The following CLASRP variants were observed in gnomAD, a reference collection of about 807,000 sequenced individuals.
CLASRP encodes CLK4-associating serine/arginine rich protein.
CLASRP carries 52 observed loss-of-function variants against 99.9 expected under a neutral mutation model. The ratio of observed to expected loss-of-function variants is 0.52; its 90% CI spans 0.42 to 0.66. The LOEUF (loss-of-function observed/expected upper bound fraction) is 0.66, where lower values mean the gene tolerates loss of function less well. Among genes scored for constraint, CLASRP ranks in the 30% least tolerant of loss-of-function variants. The pLI, the probability that CLASRP is intolerant of heterozygous loss-of-function variation, is 0.00. For synonymous variants in CLASRP, 379 were observed against 373.0 expected (o/e 1.02, Z -0.18); for missense variants, 848 against 999.2 (o/e 0.85, Z 2.04).
Position 45,064,382 on chromosome 19 carries a change from G to A in CLASRP, c.1161G>A (p.Ser387=), listed in dbSNP as rs1322475477. Residue 387 remains serine (S), a synonymous_variant, in exon 13 of 21, where the codon TCG becomes TCA. Transcript: ENST00000221455. ...CCTCCTCCTCCTCCTCTTCTGCCTC[G>A]AGGACCTCCAGCTCCCGCTCCAGCT... is the stretch of plus-strand genomic sequence containing the variant. ...SSSSSSSSSA[S]RTSSSRSSSR... is the part of the protein sequence containing the mutation. The A allele has an allele frequency of 4.6e-6, 7 of 1,533,130 alleles. No homozygotes were observed. Among genetic ancestry groups the A allele is most frequent in the Admixed American group, 3.9e-5 (2 of 50,858 alleles). 95.0% of individuals were successfully genotyped at this position (1,533,130 alleles called of 1,614,324 possible). A position where few individuals can be genotyped will look rare whatever the true frequency, so the allele number is the denominator to read the frequency against.
At chr19:45,065,388 CAAAAAAAAAAAAA>C (rs761472417) in intron 13 of CLASRP, among the ~76,000 whole-genome samples, 1 of 84,962 alleles carries the variant, frequency 1.2e-5, no homozygotes, top group Non-Finnish European at 2.5e-5. Context: ...GATTCCGTCT[CAAAAAAAAAAAAA>C]AAAAAAAAAA....
At position 45,067,835 on chromosome 19, in the gene CLASRP, G is replaced by A. The variant is rs116441945; in HGVS notation, c.1668-180G>A. On this transcript the variant is annotated intron_variant, in intron 14 of 20. Transcript: ENST00000221455. This position sits in a 1 kb window ranked among gnomAD's most constrained non-coding sequence, Gnocchi z 4.9. ...AACCTTGTCCTGGGTGAGGGTCAGA[G>A]GGGGACAGGTCCCTGTCTTACAGGT... is the stretch of plus-strand genomic sequence containing the variant. Among the ~76,000 whole-genome samples, 1,341 of 152,268 alleles carry A rather than the reference G, an allele frequency of 8.8e-3. 20 individuals carry two copies. The highest frequency in any genetic ancestry group is 0.03 in the African/African-American group (1,261 of 41,534).
Position 45,064,498 on chromosome 19 carries a change from G to T in CLASRP, c.1277G>T (p.Arg426Leu), listed in dbSNP as rs974206088. 4 of 1,536,302 alleles carry T rather than the reference G, an allele frequency of 2.6e-6. No homozygotes were observed. The highest frequency in any genetic ancestry group is 3.5e-6 in the Non-Finnish European group (4 of 1,145,816). The change falls in exon 13 of 21, where the codon CGC (arginine) becomes CTC (leucine). Residue 426 changes from arginine to leucine, a missense_variant. Arg to Leu is a moderately radical substitution (Grantham distance 102). This residue lies in a region of CLASRP where 489 missense variants were observed against 434.7 expected (regional missense o/e 1.12). Coordinates refer to ENST00000221455, the MANE Select transcript of CLASRP (RefSeq NM_007056.3). ...CGGTCCCGCTCCTGGTCCCGCTCCCGCTCCCGCTCCCGGCGCTATTCCCGG... is the reference window on the plus strand; with the variant it reads ...CGGTCCCGCTCCTGGTCCCGCTCCCTCTCCCGCTCCCGGCGCTATTCCCGG... ...RSRSRSWSRS[R>L]SRSRRYSRSR...
Position 45,067,687 on chromosome 19 carries a change from C to G in CLASRP, c.1667+93C>G. 1 of 1,222,076 alleles carries G rather than the reference C, an allele frequency of 8.2e-7. No individual in the cohort carries two copies. Among genetic ancestry groups the G allele is most frequent in the Non-Finnish European group, 1.1e-6 (1 of 883,502 alleles). 75.7% of individuals were successfully genotyped at this position (1,222,076 alleles called of 1,614,324 possible). Reference sequence around the variant, plus strand: ...TCTTTTTGAGGGGAACTTAGCCCTACCCTGGGAGGTCTGGGGGGTGGTGTA... The same window carrying G: ...TCTTTTTGAGGGGAACTTAGCCCTAGCCTGGGAGGTCTGGGGGGTGGTGTA... On this transcript the variant is annotated intron_variant, in intron 14 of 20. Coordinates refer to ENST00000221455, the MANE Select transcript of CLASRP (RefSeq NM_007056.3). The surrounding 1 kb of genome is among the most constrained non-coding windows in gnomAD (Gnocchi z 4.9).
At chr19:45,064,270 TG>T (rs1366584808) in intron 12 of CLASRP, 43 bp downstream of exon 12, 8 of 1,535,044 alleles carry the variant, frequency 5.2e-6, no homozygotes, top group Non-Finnish European at 6.1e-6. Flanking sequence ...CCGGTCACCA[TG>T]GGGGGTACCC....
intron 6 of CLASRP, 64 bp downstream of exon 6, chr19:45,056,598 A>G: frequency 7.5e-7 from 1 of 1,331,184 alleles, no homozygotes; most frequent in Non-Finnish European, 1.1e-6. Context: ...CCAGCCAGGC[A>G]TGGCCTCTTC....
intron 3 of CLASRP, among the ~76,000 whole-genome samples, 194 bp downstream of exon 3, chr19:45,052,362 C>A (rs1283446638): frequency 6.6e-6 from 1 of 152,098 alleles, no homozygotes; most frequent in Non-Finnish European, 1.5e-5. Flanking sequence ...GGGGTGGAGG[C>A]CCCAGAGTAG....
chr19:45,064,599 C>T lies in CLASRP; in HGVS notation c.1378C>T (p.Arg460Cys). 3 of 1,550,604 alleles carry T rather than the reference C, an allele frequency of 1.9e-6. No homozygotes were observed. The highest frequency in any genetic ancestry group is 4.8e-5 in the East Asian group (2 of 41,906). ...CCGGTACTCCCGCTCGCCCGCCCGG[C>T]GTGGTGGTTACGGGCCCCGGCGCAG... ...GHRYSRSPAR[R>C]GGYGPRRRSR... Residue 460 changes from arginine (R) to cysteine (C), a missense_variant, in exon 13 of 21, where the codon CGT becomes TGT. Arg to Cys is a radical substitution (Grantham distance 180). This residue lies in a region of CLASRP where 489 missense variants were observed against 434.7 expected (regional missense o/e 1.12). Transcript: ENST00000221455.
chr19:45,053,092 C>T lies in CLASRP; in HGVS notation c.300-6C>T, dbSNP rs778967000. ...TCTGATTTCAAGGTCTCGCCCTTCC[C>T]TAAAGCTCCCCAGAACAGGAGTCGG... is the stretch of plus-strand genomic sequence containing the variant. On this transcript the variant is annotated splice_region_variant and splice_polypyrimidine_tract_variant and intron_variant, in intron 4 of 20. Coordinates refer to ENST00000221455, the MANE Select transcript of CLASRP (RefSeq NM_007056.3). 6.2e-7 allele frequency: 1 copy of T among 1,614,044 alleles called. No homozygotes were observed. Among genetic ancestry groups the T allele is most frequent in the Admixed American group, 1.7e-5 (1 of 59,986 alleles).
chr19:45,067,144 C>T lies in CLASRP; in HGVS notation c.1410-193C>T, dbSNP rs923150008. On this transcript the variant is annotated intron_variant, in intron 13 of 20. Transcript: ENST00000221455. The surrounding 1 kb of genome is among the most constrained non-coding windows in gnomAD (Gnocchi z 4.9). ...GCCCTTAGGCTGAGTGTATCTAGAGCGCCATCTCTGTAGCCGGAGGGAGGC... is the reference window on the plus strand; with the variant it reads ...GCCCTTAGGCTGAGTGTATCTAGAGTGCCATCTCTGTAGCCGGAGGGAGGC... 1.3e-5 allele frequency among the ~76,000 whole-genome samples: 2 copies of T among 152,158 alleles called. No homozygotes were observed. Among genetic ancestry groups the T allele is most frequent in the Admixed American group, 6.5e-5 (1 of 15,276 alleles).
Position 45,067,493 on chromosome 19 carries a change from C to T in CLASRP, c.1566C>T (p.Arg522=). 6.4e-7 allele frequency: 1 copy of T among 1,574,454 alleles called. No individual in the cohort carries two copies. The highest frequency in any genetic ancestry group is 8.6e-7 in the Non-Finnish European group (1 of 1,165,628). Residue 522 remains arginine (R), a synonymous_variant, in exon 14 of 21, where the codon CGC becomes CGT. Transcript: ENST00000221455. This position sits in a 1 kb window ranked among gnomAD's most constrained non-coding sequence, Gnocchi z 4.9. The part of the protein sequence containing the change: ...RSHSPSPSQS[R]SRSRSRSQSP... ...ATAGCCCCAGCCCCAGCCAGAGCCG[C>T]AGCCGCAGCCGCAGCCGCAGCCAGA...
In CLASRP at chr19:45,056,422, C is replaced by G. The variant is rs759916518; in HGVS notation, c.380-28C>G. On this transcript the variant is annotated intron_variant, in intron 5 of 20. Coordinates refer to ENST00000221455, the MANE Select transcript of CLASRP (RefSeq NM_007056.3). ...GAATTCCTAGTGTCCCCAACCCACT[C>G]TGACCTGGGGTCTCTTGTTTGCTGC... The G allele has an allele frequency of 5.6e-6, 9 of 1,606,150 alleles. No individual in the cohort carries two copies. In the South Asian group the frequency reaches 9.9e-5, roughly 18 times the overall value.
chr19:45,060,715 G>A lies in CLASRP; in HGVS notation c.863+88G>A, dbSNP rs1966920482. 4 of 1,054,902 alleles carry A rather than the reference G, an allele frequency of 3.8e-6. 1 individual carries two copies. Among genetic ancestry groups the A allele is most frequent in the Non-Finnish European group, 4.1e-6 (3 of 735,954 alleles). The allele number at this position is 1,054,902 out of a possible 1,614,324, so 65.3% of individuals were successfully genotyped here. On this transcript the variant is annotated intron_variant, in intron 10 of 20. Coordinates refer to ENST00000221455, the MANE Select transcript of CLASRP (RefSeq NM_007056.3). This position sits in a 1 kb window ranked among gnomAD's most constrained non-coding sequence, Gnocchi z 4.6. ...GCCTGAGAAAGCTCTTTGGAGGCAG[G>A]CATTTGACTTGAGAAAGGAGTCTTT...
intron 2 of CLASRP, among the ~76,000 whole-genome samples, chr19:45,051,032 A>G (rs61458966): frequency 0.017 from 2,570 of 151,948 alleles, 67 homozygotes; most frequent in African/African-American, 0.058. Flanking sequence ...TGCTTGTTAC[A>G]GTCTGTCCTT....
At chr19:45,050,961 C>T (rs1374364979) in intron 2 of CLASRP, among the ~76,000 whole-genome samples, 4 of 152,060 alleles carry the variant, frequency 2.6e-5, no homozygotes, top group East Asian at 2.0e-4. Context: ...TCAGGTGATC[C>T]GCCTGCCTCG....
intron 8 of CLASRP, 52 bp downstream of exon 8, chr19:45,059,416 A>G: frequency 7.1e-7 from 1 of 1,406,418 alleles, no homozygotes; most frequent in Non-Finnish European, 9.9e-7. Context: ...CCACCCTGGC[A>G]TCTCACTATT....
At chr19:45,041,737 T>C (rs564422470) in intron 2 of CLASRP, among the ~76,000 whole-genome samples, 1 of 152,304 alleles carries the variant, frequency 6.6e-6, no homozygotes, top group Admixed American at 6.5e-5. Flanking sequence ...AAGCCCAGGC[T>C]CCTCACTGTG....
At chr19:45,055,008 G>C (rs1366029200) in intron 5 of CLASRP, among the ~76,000 whole-genome samples, 1 of 152,178 alleles carries the variant, frequency 6.6e-6, no homozygotes, top group Non-Finnish European at 1.5e-5. Flanking sequence ...TGTTATAATT[G>C]ATACTGTTTT....
chr19:45,043,676 G>C (rs552711564), intron 2 of CLASRP, among the ~76,000 whole-genome samples: 17 of 152,050 alleles, frequency 1.1e-4, no homozygotes, highest in Admixed American at 9.8e-4. Context: ...GACAGAGACC[G>C]CTCTTACTTC....
Sources: allele counts gnomAD v4.1 joint callset (sites outside exome capture counted in the v4.1 genomes callset), GRCh38; gene constraint gnomAD v4.1.1; regional missense constraint gnomAD v4.1.1; non-coding constraint Gnocchi (gnomAD v3.1); transcripts MANE v1.5; gene names NCBI Gene and HGNC (gene_info 2026-07-23, HGNC 2026-07-21).